IL1RL1: variants seen among roughly 807,000 people sequenced by gnomAD.
IL1RL1 encodes interleukin-1 receptor-like 1.
Under a neutral mutation model 50.9 loss-of-function variants are expected in IL1RL1, and 32 were observed. The observed-to-expected ratio is 0.63, with a 90% confidence interval of 0.47 to 0.84. The LOEUF is 0.84. Ranked by LOEUF, IL1RL1 falls within the 40% of genes least tolerant of loss-of-function variation. IL1RL1 has a pLI of 0.00. For synonymous variants in IL1RL1, 275 were observed against 236.0 expected, an observed-to-expected ratio of 1.17 and a Z score of -1.51; for missense variants, 773 against 662.9, an observed-to-expected ratio of 1.17 and a Z score of -1.82.
chr2:102,344,866 T>A, intron 8 of IL1RL1: 1 of 967,038 alleles, frequency 1.0e-6, no homozygotes, highest in Non-Finnish European at 1.2e-6. Context: ...AATTGTTTAT[T>A]GCTTCCCTAC....
chr2:102,335,320 A>G (rs1677286212), intron 1 of IL1RL1, among the ~76,000 whole-genome samples: 1 of 152,190 alleles, frequency 6.6e-6, no homozygotes, highest in Admixed American at 6.5e-5. Context: ...CCAAATTATA[A>G]AAAGAAAAGC....
At chr2:102,342,418 G>T (rs1015864137) in intron 6 of IL1RL1, 124 bp downstream of exon 6, 1 of 658,746 alleles carries the variant, frequency 1.5e-6, no homozygotes, top group Admixed American at 2.6e-5. Context: ...AGTAAGTGAG[G>T]TGACATCCCT....
In IL1RL1 at chr2:102,348,983, C is replaced by T; in HGVS notation, c.1118-96C>T. ...ATTTTGGAGGATGACATACATTCACCAACAGCCATAAAACTTGGAGAGGAA... is the reference window on the plus strand; with the variant it reads ...ATTTTGGAGGATGACATACATTCACTAACAGCCATAAAACTTGGAGAGGAA... On this transcript the variant is annotated intron_variant, in intron 9 of 10. Transcript: ENST00000233954. 4.5e-6 allele frequency: 4 copies of T among 897,512 alleles called. No individual in the cohort carries two copies. In the South Asian group the frequency reaches 5.9e-5, roughly 13 times the overall value. 55.6% of individuals were successfully genotyped at this position (897,512 alleles called of 1,614,324 possible). A position where few individuals can be genotyped will look rare whatever the true frequency, so the allele number is the denominator to read the frequency against.
intron 1 of IL1RL1, among the ~76,000 whole-genome samples, chr2:102,316,083 C>T (rs900266824): frequency 2.0e-5 from 3 of 152,162 alleles, no homozygotes; most frequent in South Asian, 2.1e-4. Context: ...ATTCACTCAC[C>T]TCTGATTTCT....
intron 1 of IL1RL1, among the ~76,000 whole-genome samples, chr2:102,332,741 G>T (rs1375605607): frequency 6.6e-6 from 1 of 152,128 alleles, no homozygotes; most frequent in African/African-American, 2.4e-5. Context: ...TAGAGTTAGT[G>T]GTTGTACCAC....
intron 1 of IL1RL1, among the ~76,000 whole-genome samples, chr2:102,322,923 G>A (rs754284838): frequency 6.6e-6 from 1 of 151,928 alleles, no homozygotes; most frequent in East Asian, 1.9e-4. Context: ...AGTTTCTTTT[G>A]CTTAGCATAA....
chr2:102,325,202 G>A (rs534247736), intron 1 of IL1RL1, among the ~76,000 whole-genome samples: 31 of 152,294 alleles, frequency 2.0e-4, no homozygotes, highest in Admixed American at 3.9e-4. Context: ...ACCAATATCC[G>A]CTGTTCTGCA....
rs1320282670 is a variant in IL1RL1 at position 102,349,197 on chromosome 2, A to T, written c.1236A>T (p.Lys412Asn). 1 of 1,613,992 alleles carries T rather than the reference A, an allele frequency of 6.2e-7. No individual in the cohort carries two copies. Among genetic ancestry groups the T allele is most frequent in the Non-Finnish European group, 8.5e-7 (1 of 1,179,856 alleles). ...TTCTGCCTGATGTTCTTGAAAATAA[A>T]TGTGGCTATACCTTATGCATTTATG... ...HQILPDVLEN[K>N]CGYTLCIYGR... Residue 412 changes from lysine to asparagine, a missense_variant, in exon 10 of 11, where the codon AAA (lysine) becomes AAT (asparagine). Lys to Asn is a moderately conservative substitution (Grantham distance 94). Coordinates refer to ENST00000233954, the MANE Select transcript of IL1RL1 (RefSeq NM_016232.5).
intron 1 of IL1RL1, among the ~76,000 whole-genome samples, chr2:102,318,170 C>G (rs890522297): frequency 1.3e-5 from 2 of 152,024 alleles, no homozygotes; most frequent in East Asian, 1.9e-4. Flanking sequence ...CTTTGAAAAT[C>G]AATTATAGGG....
intron 3 of IL1RL1, among the ~76,000 whole-genome samples, chr2:102,339,795 A>G (rs887367453): frequency 6.6e-6 from 1 of 152,234 alleles, no homozygotes; most frequent in Non-Finnish European, 1.5e-5. Flanking sequence ...TACAGAGTAA[A>G]CTCTGAATAA....
At chr2:102,330,653 T>C (rs1464276107) in intron 1 of IL1RL1, among the ~76,000 whole-genome samples, 1 of 152,364 alleles carries the variant, frequency 6.6e-6, no homozygotes, top group African/African-American at 2.4e-5. Context: ...GGCTATTTTA[T>C]CTTTTTCATA....
chr2:102,342,177 A>G, intron 5 of IL1RL1, 46 bp from the exon 6 acceptor site: 1 of 1,278,474 alleles, frequency 7.8e-7, no homozygotes, highest in Non-Finnish European at 1.1e-6. Context: ...TATATTGACT[A>G]GCATTCAATG....
intron 1 of IL1RL1, among the ~76,000 whole-genome samples, chr2:102,327,794 G>A (rs141060907): frequency 0.028 from 4,227 of 152,232 alleles, 177 homozygotes; most frequent in African/African-American, 0.096. Flanking sequence ...ACTCTCCCAA[G>A]ACTAAACCAG....
At chr2:102,326,521 A>G (rs1327685478) in intron 1 of IL1RL1, among the ~76,000 whole-genome samples, 1 of 152,198 alleles carries the variant, frequency 6.6e-6, no homozygotes, top group Non-Finnish European at 1.5e-5. Context: ...TTAAATGTAA[A>G]TGGGCTAAGT....
chr2:102,342,971 TAAA>T, intron 6 of IL1RL1, 62 bp from the exon 7 acceptor site: 1 of 1,521,750 alleles, frequency 6.6e-7, no homozygotes, highest in Admixed American at 1.9e-5. Context: ...TTTTTTACAT[TAAA>T]TGGGATAAAA....
At chr2:102,321,083 G>C (rs996657970) in intron 1 of IL1RL1, among the ~76,000 whole-genome samples, 1 of 152,308 alleles carries the variant, frequency 6.6e-6, no homozygotes, top group South Asian at 2.1e-4. Context: ...CACCAGGCTT[G>C]CCTCCATGGC....
intron 5 of IL1RL1, chr2:102,341,367 T>C: frequency 8.4e-7 from 1 of 1,184,400 alleles, no homozygotes; most frequent in Non-Finnish European, 1.1e-6. Context: ...AGTAAGTCAC[T>C]TCATTCTAAA....
chr2:102,342,127 A>G lies in IL1RL1; in HGVS notation c.611-96A>G, dbSNP rs574539973. The G allele has an allele frequency of 6.3e-6, 5 of 793,326 alleles. No homozygotes were observed. The South Asian group carries it at 8.0e-5, about 13-fold the overall frequency. The allele number at this position is 793,326 out of a possible 1,614,324, so 49.1% of individuals were successfully genotyped here. ...TTATTGTCAGAAGAACTTGAAAAAC[A>G]TTGCTATGAAATAGAATAGAAACAT... On this transcript the variant is annotated intron_variant, in intron 5 of 10. Transcript: ENST00000233954.
chr2:102,343,173 C>G lies in IL1RL1; in HGVS notation c.820C>G (p.Gln274Glu). ...PRIQQEEGQN[Q>E]SFSNGLACLD... is the part of the protein sequence containing the mutation. ...AATTCAACAAGAGGAAGGGCAAAAT[C>G]AAAGGTATTTTTATATTGAAGAGAA... The change falls in exon 7 of 11, where the codon CAA becomes GAA. Residue 274 changes from glutamine to glutamate, a missense_variant. Physicochemically the swap from Gln to Glu is conservative, Grantham distance 29. Transcript: ENST00000233954. The G allele has an allele frequency of 3.1e-6, 5 of 1,614,074 alleles. No homozygotes were observed. Among genetic ancestry groups the G allele is most frequent in the Non-Finnish European group, 4.2e-6 (5 of 1,179,998 alleles).
Sources: allele counts gnomAD v4.1 joint callset (sites outside exome capture counted in the v4.1 genomes callset), GRCh38; gene constraint gnomAD v4.1.1; transcripts MANE v1.5; gene names NCBI Gene and HGNC (gene_info 2026-07-23, HGNC 2026-07-21).